GGA1: variants seen among roughly 807,000 people sequenced by gnomAD.
GGA1 encodes the protein ADP-ribosylation factor-binding protein GGA1.
GGA1 carries 18 observed loss-of-function variants against 76.9 expected under a neutral mutation model. The ratio of observed to expected loss-of-function variants is 0.23; its 90% confidence interval spans 0.16 to 0.35. GGA1 has a LOEUF of 0.35. GGA1 is among the 10% of genes least tolerant of loss of function. The probability of loss-of-function intolerance (pLI) is 1.00; values close to 1 mark genes in which losing one functional copy is unlikely to be tolerated. For missense variants in GGA1, 755 were observed against 859.0 expected (o/e 0.88, Z 1.51); for synonymous variants, 342 against 354.7 (o/e 0.96, Z 0.40).
At chr22:37,619,887 AC>A in intron 4 of GGA1, 1 of 743,714 alleles carries the variant, frequency 1.3e-6, no homozygotes, top group Non-Finnish European at 2.5e-6. Flanking sequence ...TTCCACCCTC[AC>A]CCCTCCCTGG....
chr22:37,625,030 G>A lies in GGA1; in HGVS notation c.894G>A (p.Val298=). 6.2e-7 allele frequency: 1 copy of A among 1,602,426 alleles called. No individual in the cohort carries two copies. Among genetic ancestry groups the A allele is most frequent in the Non-Finnish European group, 8.5e-7 (1 of 1,175,204 alleles). ...TGATCAACCTGTATAAGCAGCTGGT[G>A]CGGGGTGAGGAGGTCAACGGTGATG... ...TQVINLYKQL[V]RGEEVNGDAT... is the part of the protein sequence containing the mutation. The change falls in exon 10 of 17, where the codon GTG becomes GTA. Residue 298 remains valine, a synonymous_variant. Coordinates refer to ENST00000343632, the MANE Select transcript of GGA1 (RefSeq NM_013365.5). The surrounding 1 kb of genome is among the most constrained non-coding windows in gnomAD (Gnocchi z 4.1).
At chr22:37,622,531 C>T in intron 7 of GGA1, among the ~76,000 whole-genome samples, 1 of 152,180 alleles carries the variant, frequency 6.6e-6, no homozygotes, top group East Asian at 1.9e-4. Flanking sequence ...GATCCTCCCA[C>T]CTCAACCTCC....
chr22:37,616,926 C>T lies in GGA1; in HGVS notation c.133C>T (p.Pro45Ser). The change falls in exon 3 of 17, where the codon CCA becomes TCA. Residue 45 changes from proline to serine, a missense_variant. Physicochemically the swap from Pro to Ser is moderately conservative, Grantham distance 74. Coordinates refer to ENST00000343632, the MANE Select transcript of GGA1 (RefSeq NM_013365.5). ...EQLNEDFEGPPLATRLLAHKI... is the reference protein window; with the variant it reads ...EQLNEDFEGPSLATRLLAHKI... The stretch of plus-strand genomic sequence containing the variant: ...TGTGTTGTTCCTCCCACCCAGGCCT[C>T]CACTCGCCACCCGGCTGCTGGCCCA... 1 of 1,605,526 alleles carries T rather than the reference C, an allele frequency of 6.2e-7. No homozygotes were observed.
intron 1 of GGA1, chr22:37,609,204 C>T: frequency 3.8e-6 from 5 of 1,316,222 alleles, no homozygotes; most frequent in African/African-American, 1.6e-5. Context: ...CTCCAACCCC[C>T]AAGGCTCACA....
chr22:37,628,817 C>T (rs1931288779), intron 11 of GGA1, among the ~76,000 whole-genome samples: 1 of 152,226 alleles, frequency 6.6e-6, no homozygotes, highest in Non-Finnish European at 1.5e-5. Flanking sequence ...ACTTGGCTGA[C>T]AGTATTCCAG....
Position 37,623,704 on chromosome 22 carries a change from G to T in GGA1, c.832+71G>T. ...CACCTCCTGCCCCCACCTCCCCCAG[G>T]CCCTGCTAAGTATCTGCAGTTGGAA... On this transcript the variant is annotated intron_variant, in intron 9 of 16. Transcript: ENST00000343632. This position sits in a 1 kb window ranked among gnomAD's most constrained non-coding sequence, Gnocchi z 4.6. The T allele has an allele frequency of 9.3e-7, 1 of 1,081,060 alleles. No homozygotes were observed. Among genetic ancestry groups the T allele is most frequent in the African/African-American group, 1.6e-5 (1 of 63,874 alleles). 67.0% of individuals were successfully genotyped at this position (1,081,060 alleles called of 1,614,324 possible).
intron 2 of GGA1, among the ~76,000 whole-genome samples, chr22:37,614,926 C>T (rs879665349): frequency 1.3e-5 from 2 of 151,962 alleles, no homozygotes; most frequent in Non-Finnish European, 2.9e-5. Context: ...TTGTAATGAG[C>T]CGAGATTGCG....
rs1930728811 is a variant in GGA1 at position 37,625,881 on chromosome 22, G to C, written c.1025G>C (p.Gly342Ala). The C allele has an allele frequency of 6.2e-7, 1 of 1,611,366 alleles. No individual in the cohort carries two copies. The highest frequency in any genetic ancestry group is 1.3e-5 in the African/African-American group (1 of 74,932). Reference sequence around the variant, plus strand: ...TACCCAGCTATGCCCACCCGCCCTGGCGAGCAGGCCAGCCCTGAGCAGCCC... The same window carrying C: ...TACCCAGCTATGCCCACCCGCCCTGCCGAGCAGGCCAGCCCTGAGCAGCCC... ...TTYPAMPTRP[G>A]EQASPEQPSA... Residue 342 changes from glycine (G) to alanine (A), a missense_variant, in exon 11 of 17, where the codon GGC (glycine) becomes GCC (alanine). By Grantham distance (60) the Gly-to-Ala change is moderately conservative (BLOSUM62 0). Transcript: ENST00000343632. The surrounding 1 kb of genome is among the most constrained non-coding windows in gnomAD (Gnocchi z 4.1).
At chr22:37,630,686 G>C (rs1931643424) in intron 13 of GGA1, 1 of 549,912 alleles carries the variant, frequency 1.8e-6, no homozygotes, top group Non-Finnish European at 3.2e-6. Context: ...CCTACGTCAG[G>C]CTCCTGAGTA....
At chr22:37,619,379 AT>A (rs1318301803) in intron 4 of GGA1, among the ~76,000 whole-genome samples, 5,294 of 107,898 alleles carry the variant, frequency 0.049, 268 homozygotes, top group African/African-American at 0.16. Context: ...TACCGTGAAC[AT>A]TTTTTTTTTT....
Position 37,632,087 on chromosome 22 carries a change from G to A in GGA1, c.1620G>A (p.Val540=), listed in dbSNP as rs200114280. 1.9e-6 allele frequency: 3 copies of A among 1,613,768 alleles called. No homozygotes were observed. The East Asian group carries it at 6.7e-5, about 36-fold the overall frequency. The change falls in exon 15 of 17, where the codon GTG becomes GTA. Residue 540 remains valine (V), a synonymous_variant. Coordinates refer to ENST00000343632, the MANE Select transcript of GGA1 (RefSeq NM_013365.5). The surrounding 1 kb of genome is among the most constrained non-coding windows in gnomAD (Gnocchi z 5.1). The part of the protein sequence containing the change: ...ARDPLPGRSD[V]LVVVVSMLST... ...ACCCACTGCCAGGGCGCTCCGACGT[G>A]CTGGTGGTGGTGGTTTCCATGCTGA...
intron 13 of GGA1, 152 bp downstream of exon 13, chr22:37,630,322 G>A (rs368376930): frequency 1.7e-6 from 1 of 595,322 alleles, no homozygotes. Flanking sequence ...ACCTGCCTCT[G>A]GAAACACAAC....
rs776589823 is a variant in GGA1, at chr22:37,630,059, G to A, written c.1220G>A (p.Arg407Gln). 3 of 1,605,600 alleles carry A rather than the reference G, an allele frequency of 1.9e-6. No homozygotes were observed. The highest frequency in any genetic ancestry group is 1.1e-5 in the South Asian group (1 of 90,762). ...ALAQAPSMES[R>Q]PPAQTSLPAS... ...GCCCAGGCCCCCAGTATGGAAAGCC[G>A]ACCCCCAGCGCAGACATCCCTGCCA... Residue 407 changes from arginine (R) to glutamine (Q), a missense_variant, in exon 13 of 17, where the codon CGA becomes CAA. By Grantham distance (43) the Arg-to-Gln change is conservative (BLOSUM62 1). Transcript: ENST00000343632.
chr22:37,630,477 G>A (rs924267490), intron 13 of GGA1, among the ~76,000 whole-genome samples: 1 of 152,152 alleles, frequency 6.6e-6, no homozygotes, highest in African/African-American at 2.4e-5. Context: ...GAGAACACGA[G>A]CTGCTCCTTC....
chr22:37,608,844 C>G lies in GGA1; in HGVS notation c.-17C>G. The G allele has an allele frequency of 3.1e-6, 4 of 1,306,482 alleles. No homozygotes were observed. Among genetic ancestry groups the G allele is most frequent in the Non-Finnish European group, 3.9e-6 (4 of 1,029,398 alleles). The allele number at this position is 1,306,482 out of a possible 1,614,324, so 80.9% of individuals were successfully genotyped here. The stretch of plus-strand genomic sequence containing the variant: ...GGGGGGCGGGGGGGCGGTGCCGAGG[C>G]TGGGGGCCGGTGGCGGATGGAGCCC... On this transcript the variant is annotated 5_prime_UTR_variant, in exon 1 of 17. Transcript: ENST00000343632.
rs1240389186 is a variant in GGA1 at position 37,624,461 on chromosome 22, A to T, written c.833-508A>T. 6.6e-6 allele frequency: 1 copy of T among 152,116 alleles called. No homozygotes were observed. Among genetic ancestry groups the T allele is most frequent in the Non-Finnish European group, 1.5e-5 (1 of 68,110 alleles). 9.4% of individuals were successfully genotyped at this position (152,116 alleles called of 1,614,324 possible). A position where few individuals can be genotyped will look rare whatever the true frequency, so the allele number is the denominator to read the frequency against. On this transcript the variant is annotated intron_variant, in intron 9 of 16. Coordinates refer to ENST00000343632, the MANE Select transcript of GGA1 (RefSeq NM_013365.5). This position sits in a 1 kb window ranked among gnomAD's most constrained non-coding sequence, Gnocchi z 4.3. ...TCAAATATATTTATATTAAAAAAAA[A>T]AAAAAAAGGTTGACAAAAACTTCCT...
At chr22:37,617,212 A>T in intron 3 of GGA1, 1 of 1,412,118 alleles carries the variant, frequency 7.1e-7, no homozygotes, top group South Asian at 1.6e-5. Context: ...CCTGTTGCTG[A>T]GGGAAGGCCC....
Position 37,625,777 on chromosome 22 carries a change from C to T in GGA1, c.941-20C>T. On this transcript the variant is annotated intron_variant, in intron 10 of 16. Transcript: ENST00000343632. This position sits in a 1 kb window ranked among gnomAD's most constrained non-coding sequence, Gnocchi z 4.1. ...CACGTGTACACCCAGGACTTGCCAG[C>T]CTCTTCTTTCCCACCCCAGGGAGCA... 2.8e-5 allele frequency: 43 copies of T among 1,535,654 alleles called. No homozygotes were observed. The highest frequency in any genetic ancestry group is 3.8e-5 in the Non-Finnish European group (43 of 1,133,916).
intron 4 of GGA1, chr22:37,619,867 G>A (rs747083812): frequency 1.3e-6 from 1 of 766,318 alleles, no homozygotes; most frequent in Non-Finnish European, 2.4e-6. Context: ...GTAGGCCCAG[G>A]GCCTCCCAGT....
Sources: allele counts gnomAD v4.1 joint callset (sites outside exome capture counted in the v4.1 genomes callset), GRCh38; gene constraint gnomAD v4.1.1; non-coding constraint Gnocchi (gnomAD v3.1); transcripts MANE v1.5; gene names NCBI Gene and HGNC (gene_info 2026-07-23, HGNC 2026-07-21).